The following NRBF2 variants were observed in gnomAD, a reference collection of about 807,000 sequenced individuals.
NRBF2 encodes the protein nuclear receptor binding factor 2.
In NRBF2, 12 loss-of-function variants were observed where a neutral mutation model predicts 28.5. The observed-to-expected ratio is 0.42, with a 90% CI of 0.27 to 0.68. The LOEUF is 0.68. NRBF2 is among the 30% of genes least tolerant of loss of function. The pLI is 0.24. For synonymous variants in NRBF2, 102 were observed against 116.5 expected, an observed-to-expected ratio of 0.88 and a Z score of 0.80; for missense variants, 274 against 333.5, an observed-to-expected ratio of 0.82 and a Z score of 1.39.
At chr10:63,135,919 C>T (rs1325595241) in intron 1 of NRBF2, among the ~76,000 whole-genome samples, 1 of 152,194 alleles carries the variant, frequency 6.6e-6, no homozygotes, top group Non-Finnish European at 1.5e-5. Context: ...GCTGGGATTA[C>T]AGGCGTGAGC....
At position 63,153,467 on chromosome 10, in the gene NRBF2, A is replaced by G. The variant is rs1564532352; in HGVS notation, c.157-44A>G. On this transcript the variant is annotated intron_variant, in intron 3 of 3. Coordinates refer to ENST00000277746, the MANE Select transcript of NRBF2 (RefSeq NM_030759.5). ...AGTGTATGTTGGACATTACTAAGATACTTAAAATATTCTTCCAATTTTATC... is the reference window on the plus strand; with the variant it reads ...AGTGTATGTTGGACATTACTAAGATGCTTAAAATATTCTTCCAATTTTATC... The G allele has an allele frequency of 2.8e-6, 4 of 1,420,682 alleles. No individual in the cohort carries two copies. In the South Asian group the frequency reaches 5.1e-5, roughly 18 times the overall value. The allele number at this position is 1,420,682 out of a possible 1,614,324, so 88.0% of individuals were successfully genotyped here. A position where few individuals can be genotyped will look rare whatever the true frequency, so the allele number is the denominator to read the frequency against.
intron 1 of NRBF2, among the ~76,000 whole-genome samples, chr10:63,142,213 T>G (rs1378282098): frequency 6.6e-6 from 1 of 151,984 alleles, no homozygotes; most frequent in African/African-American, 2.4e-5. Flanking sequence ...CTTCTTAGAG[T>G]GTATCCATAA....
chr10:63,147,138 G>A (rs369107368), intron 2 of NRBF2, among the ~76,000 whole-genome samples: 27 of 152,246 alleles, frequency 1.8e-4, no homozygotes, highest in African/African-American at 5.8e-4. Context: ...TCTGCTGGCA[G>A]GCATGTTCCT....
chr10:63,148,386 A>G (rs912718839), intron 2 of NRBF2, among the ~76,000 whole-genome samples: 11 of 152,328 alleles, frequency 7.2e-5, no homozygotes, highest in African/African-American at 2.6e-4. Context: ...AAATGAGCTC[A>G]CTTTTTGAAA....
At chr10:63,145,572 C>G (rs1257891840) in intron 1 of NRBF2, among the ~76,000 whole-genome samples, 1 of 152,166 alleles carries the variant, frequency 6.6e-6, no homozygotes, top group Admixed American at 6.5e-5. Context: ...AATAAGTTTT[C>G]CTTCAATTAC....
At position 63,154,136 on chromosome 10, in the gene NRBF2, T is replaced by A; in HGVS notation, c.782T>A (p.Leu261His). The change falls in exon 4 of 4, where the codon CTT becomes CAT. Residue 261 changes from leucine to histidine, a missense_variant. Coordinates refer to ENST00000277746, the MANE Select transcript of NRBF2 (RefSeq NM_030759.5). ...GKAKDIPIPNLPPLDFPSPEL... is the reference protein window; with the variant it reads ...GKAKDIPIPNHPPLDFPSPEL... ...GCCAAGGACATTCCAATCCCCAATC[T>A]TCCTCCCTTGGATTTTCCATCTCCA... is the stretch of plus-strand genomic sequence containing the variant. 2 of 1,613,796 alleles carry A rather than the reference T, an allele frequency of 1.2e-6. No homozygotes were observed. Among genetic ancestry groups the A allele is most frequent in the Non-Finnish European group, 1.7e-6 (2 of 1,179,726 alleles).
intron 2 of NRBF2, 81 bp downstream of exon 2, chr10:63,146,374 T>TGAAAA: frequency 1.1e-6 from 1 of 935,176 alleles, no homozygotes; most frequent in Non-Finnish European, 1.6e-6. Context: ...GCTTTTCATA[T>TGAAAA]GCAAGACTGA....
chr10:63,140,559 G>A (rs1841447383), intron 1 of NRBF2, among the ~76,000 whole-genome samples: 1 of 151,972 alleles, frequency 6.6e-6, no homozygotes, highest in African/African-American at 2.4e-5. Context: ...GACTACAGGT[G>A]TGCACCACTA....
rs1306332203 is a variant in NRBF2 at position 63,153,537 on chromosome 10, G to T, written c.183G>T (p.Arg61Ser). Residue 61 changes from arginine to serine, a missense_variant, in exon 4 of 4, where the codon AGG becomes AGT. Coordinates refer to ENST00000277746, the MANE Select transcript of NRBF2 (RefSeq NM_030759.5). ...CTCATCTTTCACTGGAATTGCAAAGGGATAGCCATATGAAACAGCTCCTCC... is the reference window on the plus strand; with the variant it reads ...CTCATCTTTCACTGGAATTGCAAAGTGATAGCCATATGAAACAGCTCCTCC... Reference protein sequence around the residue: ...EQAHLSLELQRDSHMKQLLLI... With the variant: ...EQAHLSLELQSDSHMKQLLLI... The T allele has an allele frequency of 1.2e-6, 2 of 1,611,170 alleles. No homozygotes were observed. The highest frequency in any genetic ancestry group is 2.2e-5 in the East Asian group (1 of 44,900).
intron 1 of NRBF2, among the ~76,000 whole-genome samples, chr10:63,138,831 A>G (rs916449122): frequency 6.6e-6 from 1 of 152,104 alleles, no homozygotes; most frequent in Admixed American, 6.6e-5. Context: ...TAGTCAATTC[A>G]GTGCTTATTG....
intron 2 of NRBF2, among the ~76,000 whole-genome samples, chr10:63,147,407 G>A (rs1263095844): frequency 2.0e-5 from 3 of 150,788 alleles, no homozygotes; most frequent in African/African-American, 2.4e-5. Context: ...GCAACTTCCC[G>A]CCTCCTGGTT....
chr10:63,152,378 A>G (rs1237406309), intron 3 of NRBF2, among the ~76,000 whole-genome samples, 188 bp downstream of exon 3: 1 of 152,246 alleles, frequency 6.6e-6, no homozygotes, highest in Non-Finnish European at 1.5e-5. Context: ...TGCCCCAGAC[A>G]TGGAATGCAG....
chr10:63,141,361 A>G (rs1371355765), intron 1 of NRBF2, among the ~76,000 whole-genome samples: 1 of 152,174 alleles, frequency 6.6e-6, no homozygotes, highest in Admixed American at 6.5e-5. Flanking sequence ...GCTGGAGCCC[A>G]GGATATTGAG....
rs1255167912 is a variant in NRBF2, at chr10:63,153,705, G to C, written c.351G>C (p.Gln117His). ...CAGAGGGCCAGAGTCCCCTTTCTCA[G>C]AAGTACAGCCCTTCCACAGAGAAAT... ...EDAEGQSPLS[Q>H]KYSPSTEKCL... Residue 117 changes from glutamine (Q) to histidine (H), a missense_variant, in exon 4 of 4, where the codon CAG becomes CAC. Transcript: ENST00000277746. The C allele has an allele frequency of 1.2e-6, 2 of 1,612,392 alleles. No homozygotes were observed. The highest frequency in any genetic ancestry group is 4.5e-5 in the East Asian group (2 of 44,868).
At chr10:63,153,208 G>A (rs758853686) in intron 3 of NRBF2, among the ~76,000 whole-genome samples, 15 of 152,094 alleles carry the variant, frequency 9.9e-5, no homozygotes, top group Non-Finnish European at 1.9e-4. Flanking sequence ...ATCCAAACAC[G>A]CGGTTGATAG....
chr10:63,144,521 TCTC>T (rs912577564), intron 1 of NRBF2, among the ~76,000 whole-genome samples: 2 of 151,702 alleles, frequency 1.3e-5, no homozygotes, highest in African/African-American at 4.8e-5. Flanking sequence ...TTCACGCTAT[TCTC>T]CTGCCTCAGC....
chr10:63,133,359 G>T lies in NRBF2; in HGVS notation c.-112G>T, dbSNP rs553359087. ...TCAGCGCCTATCGCTGGCTCTTGGG[G>T]CGCAGAGAGGGGCCGCAGTCTCCGC... On this transcript the variant is annotated 5_prime_UTR_variant, in exon 1 of 4. Transcript: ENST00000277746. 18 of 1,266,874 alleles carry T rather than the reference G, an allele frequency of 1.4e-5. No individual in the cohort carries two copies. In the East Asian group the frequency reaches 2.8e-4, roughly 20 times the overall value. 78.5% of individuals were successfully genotyped at this position (1,266,874 alleles called of 1,614,324 possible). A position where few individuals can be genotyped will look rare whatever the true frequency, so the allele number is the denominator to read the frequency against.
At chr10:63,133,543 G>C in intron 1 of NRBF2, 43 bp downstream of exon 1, 4 of 1,458,126 alleles carry the variant, frequency 2.7e-6, no homozygotes, top group Non-Finnish European at 3.8e-6. Flanking sequence ...GGGTGCCTTT[G>C]CCTCAGGAGC....
chr10:63,148,382 G>A (rs1841596537), intron 2 of NRBF2, among the ~76,000 whole-genome samples: 1 of 152,194 alleles, frequency 6.6e-6, no homozygotes, highest in African/African-American at 2.4e-5. Context: ...GTTGAAATGA[G>A]CTCACTTTTT....
Sources: gnomAD v4.1 joint callset for allele counts (sites outside exome capture counted in the v4.1 genomes callset) on GRCh38, gnomAD v4.1.1 for gene constraint, MANE v1.5 for transcripts, NCBI Gene and HGNC (gene_info 2026-07-23, HGNC 2026-07-21) for gene names.